The following A1CF variants were observed in gnomAD, a reference collection of about 807,000 sequenced individuals.
The protein encoded by A1CF is APOBEC-1 stimulating protein.
A neutral mutation model predicts 68.9 loss-of-function variants in A1CF; 48 were observed. The ratio of observed to expected loss-of-function variants is 0.70; its 90% CI spans 0.55 to 0.89. The LOEUF is 0.89. Ranked by LOEUF, A1CF falls within the 40% of genes least tolerant of loss-of-function variation. The pLI is 0.00. For synonymous variants in A1CF, 272 were observed against 260.4 expected, an observed-to-expected ratio of 1.04 and a Z score of -0.43; for missense variants, 653 against 718.9, an observed-to-expected ratio of 0.91 and a Z score of 1.05.
In A1CF at chr10:50,841,878, T is replaced by C; in HGVS notation, c.349A>G (p.Asn117Asp). The change falls in exon 5 of 13, where the codon AAT (asparagine) becomes GAT (aspartate). Residue 117 changes from asparagine (N) to aspartate (D), a missense_variant. Transcript: ENST00000373997. ...VEAKNAIKQLNNYEIRNGRLL... is the reference protein window; with the variant it reads ...VEAKNAIKQLDNYEIRNGRLL... ...GGAGCTTACCTAATTTCATAATTAT[T>C]AAGTTGCTTGATTGCATTCTTGGCT... 1 of 1,613,294 alleles carries C rather than the reference T, an allele frequency of 6.2e-7. No homozygotes were observed. The highest frequency in any genetic ancestry group is 1.1e-5 in the South Asian group (1 of 91,016).
chr10:50,841,900 G>C lies in A1CF; in HGVS notation c.327C>G (p.Ala109=). 1 of 1,613,096 alleles carries C rather than the reference G, an allele frequency of 6.2e-7. No homozygotes were observed. Among genetic ancestry groups the C allele is most frequent in the Non-Finnish European group, 8.5e-7 (1 of 1,179,646 alleles). The change falls in exon 5 of 13, where the codon GCC becomes GCG. Residue 109 remains alanine (A), a synonymous_variant. Transcript: ENST00000373997. ...TATTAAGTTGCTTGATTGCATTCTT[G>C]GCTTCCACTTTATTTGAAAATGTTA... ...AFVTFSNKVE[A]KNAIKQLNNY...
chr10:50,872,621 A>C (rs766800667), intron 1 of A1CF, among the ~76,000 whole-genome samples: 13 of 152,162 alleles, frequency 8.5e-5, no homozygotes, highest in Non-Finnish European at 1.8e-4. Flanking sequence ...TGTGGTCCCC[A>C]TTCTCTTCCA....
chr10:50,811,689 A>G (rs529345352), intron 10 of A1CF, among the ~76,000 whole-genome samples: 3 of 152,306 alleles, frequency 2.0e-5, no homozygotes, highest in South Asian at 4.1e-4. Flanking sequence ...GTGTTCCTAG[A>G]TGGGTGTTGA....
At chr10:50,840,802 T>G (rs910568560) in intron 5 of A1CF, among the ~76,000 whole-genome samples, 5 of 152,212 alleles carry the variant, frequency 3.3e-5, no homozygotes, top group Non-Finnish European at 5.9e-5. Context: ...AAATGTAAAG[T>G]GCCCTAAAAG....
At chr10:50,813,528 A>G (rs1470717028) in intron 10 of A1CF, among the ~76,000 whole-genome samples, 1 of 152,192 alleles carries the variant, frequency 6.6e-6, no homozygotes, top group Admixed American at 6.5e-5. Flanking sequence ...CTCACATACA[A>G]TAGGCATTTA....
intron 3 of A1CF, among the ~76,000 whole-genome samples, chr10:50,855,242 TTAGC>T (rs1473740020): frequency 6.6e-6 from 1 of 151,890 alleles, no homozygotes; most frequent in Non-Finnish European, 1.5e-5. Context: ...TTTTTTGTCT[TTAGC>T]TATCAAAGAA....
chr10:50,850,576 A>G, intron 3 of A1CF: 2 of 1,517,412 alleles, frequency 1.3e-6, no homozygotes, highest in South Asian at 2.3e-5. Flanking sequence ...TTTCAAAATT[A>G]GAAAACAAAA....
intron 5 of A1CF, among the ~76,000 whole-genome samples, chr10:50,840,482 C>T (rs1839724737): frequency 6.6e-6 from 1 of 152,208 alleles, no homozygotes; most frequent in Non-Finnish European, 1.5e-5. Flanking sequence ...TTAACTGCTG[C>T]ACTAATCTTC....
rs112420113 is a variant in A1CF at position 50,819,137 on chromosome 10, T to A, written c.867+1415A>T. 9.5e-3 allele frequency among the ~76,000 whole-genome samples: 1,452 copies of A among 152,282 alleles called. 33 individuals carry two copies. The highest frequency in any genetic ancestry group is 0.033 in the African/African-American group (1,379 of 41,538). On this transcript the variant is annotated intron_variant, in intron 8 of 12. Coordinates refer to ENST00000373997, the MANE Select transcript of A1CF (RefSeq NM_014576.4). Reference sequence around the variant, plus strand: ...CTTCTTTCTTTTCTCTTTTCTTTCTTTCCTTAATGGTGGGGTCTCACTCTG... The same window carrying A: ...CTTCTTTCTTTTCTCTTTTCTTTCTATCCTTAATGGTGGGGTCTCACTCTG...
chr10:50,856,574 C>A (rs914094365), intron 3 of A1CF, among the ~76,000 whole-genome samples: 4 of 152,048 alleles, frequency 2.6e-5, no homozygotes, highest in Non-Finnish European at 4.4e-5. Flanking sequence ...TCTTAAAAGT[C>A]ACATTATAAC....
intron 1 of A1CF, among the ~76,000 whole-genome samples, chr10:50,880,586 C>T (rs1201303513): frequency 6.6e-6 from 1 of 152,108 alleles, no homozygotes; most frequent in African/African-American, 2.4e-5. Flanking sequence ...AGTTTTCCCC[C>T]CATGGAACCT....
chr10:50,872,360 G>A (rs1257413950), intron 1 of A1CF, among the ~76,000 whole-genome samples: 4 of 152,094 alleles, frequency 2.6e-5, no homozygotes, highest in African/African-American at 9.7e-5. Context: ...CCTATGATAT[G>A]GGTAATAAAT....
intron 1 of A1CF, among the ~76,000 whole-genome samples, chr10:50,876,395 G>A (rs945763980): frequency 1.3e-5 from 2 of 152,202 alleles, no homozygotes; most frequent in Non-Finnish European, 2.9e-5. Flanking sequence ...ATACTCATAA[G>A]TGCTCTGTCC....
At chr10:50,828,069 C>G in intron 7 of A1CF, 62 bp downstream of exon 7, 1 of 1,304,004 alleles carries the variant, frequency 7.7e-7, no homozygotes. Context: ...CACATACACC[C>G]TCCCAAGACT....
At chr10:50,833,316 G>A (rs1832305748) in intron 6 of A1CF, among the ~76,000 whole-genome samples, 1 of 152,222 alleles carries the variant, frequency 6.6e-6, no homozygotes, top group Non-Finnish European at 1.5e-5. Flanking sequence ...AACTCTGGCG[G>A]TGGGATCTAG....
chr10:50,839,117 C>T (rs902391859), intron 5 of A1CF, among the ~76,000 whole-genome samples: 1 of 152,160 alleles, frequency 6.6e-6, no homozygotes, highest in Non-Finnish European at 1.5e-5. Flanking sequence ...CAGACAAAGA[C>T]ACTAAAATTC....
At chr10:50,852,850 A>G (rs934823277) in intron 3 of A1CF, among the ~76,000 whole-genome samples, 22 of 152,184 alleles carry the variant, frequency 1.4e-4, no homozygotes, top group African/African-American at 5.1e-4. Context: ...ATAGGAAAAA[A>G]TGCCATTTGA....
intron 2 of A1CF, among the ~76,000 whole-genome samples, chr10:50,861,520 A>G (rs1269395921): frequency 6.7e-6 from 1 of 148,594 alleles, no homozygotes; most frequent in East Asian, 2.0e-4. Flanking sequence ...ATATACTATT[A>G]GTAACAATAA....
chr10:50,809,848 C>T, intron 12 of A1CF, 46 bp downstream of exon 12: 3 of 1,609,726 alleles, frequency 1.9e-6, no homozygotes, highest in Non-Finnish European at 2.5e-6. Context: ...AAGGGTTTCC[C>T]AAATACTCTC....
Sources: allele counts gnomAD v4.1 joint callset (sites outside exome capture counted in the v4.1 genomes callset), GRCh38; gene constraint gnomAD v4.1.1; transcripts MANE v1.5; gene names NCBI Gene and HGNC (gene_info 2026-07-23, HGNC 2026-07-21).